The following USP32 variants were observed in gnomAD, a reference collection of about 807,000 sequenced individuals.
USP32 encodes the protein ubiquitin specific peptidase 32.
In USP32, 59 loss-of-function variants were observed where a neutral mutation model predicts 204.8. The observed-to-expected ratio is 0.29, with a 90% confidence interval of 0.23 to 0.36. The LOEUF (loss-of-function observed/expected upper bound fraction) is 0.36, where lower values mean the gene tolerates loss of function less well. Ranked by LOEUF, USP32 falls within the 10% of genes least tolerant of loss-of-function variation. USP32 has a pLI of 1.00. For synonymous variants in USP32, 517 were observed against 678.4 expected (o/e 0.76, Z 3.70); for missense variants, 1,160 against 1,946.4 (o/e 0.60, Z 7.60).
chr17:60,225,440 G>A (rs1354355776), intron 13 of USP32, among the ~76,000 whole-genome samples: 2 of 152,070 alleles, frequency 1.3e-5, no homozygotes, highest in Non-Finnish European at 2.9e-5. Context: ...CTGGGTGACA[G>A]AGCGAGATCC....
intron 2 of USP32, among the ~76,000 whole-genome samples, chr17:60,338,936 G>C (rs1022922552): frequency 9.2e-5 from 14 of 152,152 alleles, no homozygotes; most frequent in Admixed American, 4.6e-4. Flanking sequence ...TTGAGACGGA[G>C]TCTTGCTCTG....
In USP32 at chr17:60,274,787, GTATC is replaced by G. The variant is rs1334999516; in HGVS notation, c.572-3310_572-3307del. ...TTCAGACAGCAGGAAGACCAGTTAA[GTATC>G]TATGTAAACAGAATAAGGCTAACAA... On this transcript the variant is annotated intron_variant, in intron 5 of 33. Transcript: ENST00000300896. 7.9e-5 allele frequency among the ~76,000 whole-genome samples: 12 copies of G among 152,154 alleles called. No individual in the cohort carries two copies. In the East Asian group the frequency reaches 2.3e-3, roughly 29 times the overall value.
chr17:60,372,375 T>C (rs776460786), intron 1 of USP32, among the ~76,000 whole-genome samples: 14 of 152,156 alleles, frequency 9.2e-5, no homozygotes, highest in Non-Finnish European at 1.9e-4. Context: ...ACTTAGATGG[T>C]ATAGACTACT....
chr17:60,414,828 A>G (rs1037868489), intron 1 of USP32, among the ~76,000 whole-genome samples: 5 of 149,770 alleles, frequency 3.3e-5, no homozygotes. Flanking sequence ...AAGGAACACC[A>G]GATTTTTATT....
At position 60,260,409 on chromosome 17, in the gene USP32, G is replaced by A. The variant is rs145067535; in HGVS notation, c.990+5003C>T. Among the ~76,000 whole-genome samples, 353 of 151,934 alleles carry A rather than the reference G, an allele frequency of 2.3e-3. 2 individuals carry two copies. Among genetic ancestry groups the A allele is most frequent in the African/African-American group, 8.1e-3 (334 of 41,446 alleles). The stretch of plus-strand genomic sequence containing the variant: ...GTGGTGGCGGGTGCCTGTAATCCCA[G>A]CTACTCAGGAGGCTGAGGCATGAGA... On this transcript the variant is annotated intron_variant, in intron 9 of 33. Transcript: ENST00000300896.
intron 2 of USP32, among the ~76,000 whole-genome samples, chr17:60,306,837 A>G (rs1322060826): frequency 2.6e-5 from 4 of 152,200 alleles, no homozygotes; most frequent in Non-Finnish European, 5.9e-5. Flanking sequence ...GAAAGATTGC[A>G]GGATAGAAAA....
chr17:60,258,388 A>C, intron 9 of USP32: 1 of 173,770 alleles, frequency 5.8e-6, no homozygotes, highest in South Asian at 1.7e-4. Context: ...GGCAAAGATC[A>C]AGAAGAAAGG....
chr17:60,294,480 G>T (rs1316188215), intron 4 of USP32, among the ~76,000 whole-genome samples: 2 of 151,814 alleles, frequency 1.3e-5, no homozygotes, highest in African/African-American at 4.9e-5. Context: ...TGCCTTTACA[G>T]TAGAATTGAA....
intron 5 of USP32, among the ~76,000 whole-genome samples, chr17:60,284,400 T>C (rs75163669): frequency 6.6e-6 from 1 of 151,530 alleles, no homozygotes; most frequent in Non-Finnish European, 1.5e-5. Context: ...TTTTTTTTTT[T>C]AGTAGAGACA....
chr17:60,298,161 G>A (rs2087485210), intron 3 of USP32, among the ~76,000 whole-genome samples: 1 of 152,126 alleles, frequency 6.6e-6, no homozygotes, highest in African/African-American at 2.4e-5. Flanking sequence ...AAGTAAACAT[G>A]GGACACATAT....
At chr17:60,287,589 A>G (rs971886375) in intron 5 of USP32, among the ~76,000 whole-genome samples, 3 of 152,156 alleles carry the variant, frequency 2.0e-5, no homozygotes, top group African/African-American at 7.2e-5. Context: ...AGCAGACCCA[A>G]TTGCGATTCT....
At chr17:60,331,355 C>T (rs566358039) in intron 2 of USP32, among the ~76,000 whole-genome samples, 2 of 152,208 alleles carry the variant, frequency 1.3e-5, no homozygotes, top group Non-Finnish European at 2.9e-5. Flanking sequence ...TGCTTGAGTC[C>T]AGGAGTTCAA....
chr17:60,303,537 A>C (rs1293111625), intron 2 of USP32, among the ~76,000 whole-genome samples: 1 of 152,100 alleles, frequency 6.6e-6, no homozygotes, highest in Non-Finnish European at 1.5e-5. Flanking sequence ...CCCCTAAAAA[A>C]AAAAAAGTAA....
Position 60,226,247 on chromosome 17 carries a change from C to T in USP32, c.1240-16G>A. The T allele has an allele frequency of 6.6e-7, 1 of 1,521,054 alleles. No homozygotes were observed. Among genetic ancestry groups the T allele is most frequent in the Non-Finnish European group, 8.8e-7 (1 of 1,141,324 alleles). The allele number at this position is 1,521,054 out of a possible 1,614,324, so 94.2% of individuals were successfully genotyped here. A position where few individuals can be genotyped will look rare whatever the true frequency, so the allele number is the denominator to read the frequency against. On this transcript the variant is annotated splice_polypyrimidine_tract_variant and intron_variant, in intron 12 of 33. Transcript: ENST00000300896. The stretch of plus-strand genomic sequence containing the variant: ...GGTTGGCATCCTAAAATCAGGAAAT[C>T]AGAGAATAAGAAGCAAAGTTTATAA...
Position 60,198,317 on chromosome 17 carries a change from A to G in USP32, c.3377T>C (p.Val1126Ala), listed in dbSNP as rs1158569248. 5.6e-6 allele frequency: 9 copies of G among 1,614,062 alleles called. No individual in the cohort carries two copies. Among genetic ancestry groups the G allele is most frequent in the Non-Finnish European group, 7.6e-6 (9 of 1,180,020 alleles). ...KDLYDAVWIQ[V>A]SRLASPLPPQ... ...TGGGAGTGGGCTCGCTAACCGGGAT[A>G]CTTGAATCCAAACCGCATCATATAG... Residue 1126 changes from valine (V) to alanine (A), a missense_variant, in exon 27 of 34, where the codon GTA becomes GCA. Physicochemically the swap from Val to Ala is moderately conservative, Grantham distance 64. Coordinates refer to ENST00000300896, the MANE Select transcript of USP32 (RefSeq NM_032582.4).
intron 1 of USP32, chr17:60,422,145 A>C (rs1369053262): frequency 6.6e-6 from 2 of 303,318 alleles, no homozygotes; most frequent in Non-Finnish European, 5.8e-6. Flanking sequence ...ATCAGAAAAG[A>C]ATTTTACAAA....
chr17:60,326,487 T>A (rs1250230389), intron 2 of USP32, among the ~76,000 whole-genome samples: 1 of 152,066 alleles, frequency 6.6e-6, no homozygotes, highest in Non-Finnish European at 1.5e-5. Flanking sequence ...ATTTTTGTAT[T>A]TTTGGTAGGG....
intron 27 of USP32, among the ~76,000 whole-genome samples, chr17:60,196,769 G>A (rs2084530444): frequency 6.6e-6 from 1 of 152,032 alleles, no homozygotes; most frequent in African/African-American, 2.4e-5. Context: ...AGGTTGCGTT[G>A]AGCCGAGATT....
At chr17:60,222,308 G>A (rs2145569148) in intron 15 of USP32, 101 bp downstream of exon 15, 2 of 1,350,434 alleles carry the variant, frequency 1.5e-6, no homozygotes, top group Admixed American at 2.0e-5. Context: ...CTACCACAAG[G>A]TAAGAGCTAC....
Sources: allele counts gnomAD v4.1 joint callset (sites outside exome capture counted in the v4.1 genomes callset), GRCh38; gene constraint gnomAD v4.1.1; transcripts MANE v1.5; gene names NCBI Gene and HGNC (gene_info 2026-07-23, HGNC 2026-07-21).